Variants in ZAN observed in about 807,000 individuals in gnomAD.
The protein encoded by ZAN is zonadhesin (gene/pseudogene).
Under a neutral mutation model 286.2 loss-of-function variants are expected in ZAN, and 260 were observed. The ratio of observed to expected loss-of-function variants is 0.91; its 90% CI spans 0.82 to 1.01. The LOEUF (loss-of-function observed/expected upper bound fraction) is 1.01, where lower values mean the gene tolerates loss of function less well. Ranked by LOEUF, ZAN falls within the 50% of genes least tolerant of loss-of-function variation. The pLI is 0.00. For missense variants in ZAN, 3,410 were observed against 3,639.2 expected, an observed-to-expected ratio of 0.94 and a Z score of 1.62; for synonymous variants, 1,368 against 1,417.5, an observed-to-expected ratio of 0.97 and a Z score of 0.79.
At chr7:100,748,722 A>T (rs1276693908) in intron 11 of ZAN, among the ~76,000 whole-genome samples, 1 of 152,130 alleles carries the variant, frequency 6.6e-6, no homozygotes, top group Non-Finnish European at 1.5e-5. Context: ...AAAGCTTCAA[A>T]ACCCACCACC....
At chr7:100,747,015 C>T (rs1463142061) in intron 8 of ZAN, among the ~76,000 whole-genome samples, 3 of 151,924 alleles carry the variant, frequency 2.0e-5, no homozygotes, top group African/African-American at 4.8e-5. Context: ...ACCCGGGAGG[C>T]GGAGGTTGCA....
chr7:100,768,834 C>A, intron 27 of ZAN, 113 bp downstream of exon 27: 2 of 829,682 alleles, frequency 2.4e-6, no homozygotes, highest in Non-Finnish European at 3.6e-6. Flanking sequence ...CTGTACCTCC[C>A]AACTGGCAGG....
chr7:100,777,793 T>G (rs1734903), intron 34 of ZAN, among the ~76,000 whole-genome samples: 54,954 of 151,444 alleles, frequency 0.36, 11,254 homozygotes, highest in East Asian at 0.8. Context: ...GTCTTGCCAC[T>G]TTTGCCCAGG....
At chr7:100,781,652 CTTT>C (rs5886134) in intron 35 of ZAN, among the ~76,000 whole-genome samples, 6 of 128,258 alleles carry the variant, frequency 4.7e-5, no homozygotes, top group South Asian at 2.5e-4. Flanking sequence ...CATTGCTATA[CTTT>C]TTTTTTTTTT....
chr7:100,790,944 A>G lies in ZAN; in HGVS notation c.7360A>G (p.Ile2454Val), dbSNP rs754245180. The G allele has an allele frequency of 5.5e-5, 88 of 1,609,002 alleles. No individual in the cohort carries two copies. Among genetic ancestry groups the G allele is most frequent in the Non-Finnish European group, 7.4e-5 (87 of 1,178,078 alleles). Reference protein sequence around the residue: ...VSFGGRKNAVISLPSMYEGLV... With the variant: ...VSFGGRKNAVVSLPSMYEGLV... ...TGGGGACCCCCTTCCTCCCGCAGTGATCTCCCTACCCAGCATGTACGAGGG... is the reference window on the plus strand; with the variant it reads ...TGGGGACCCCCTTCCTCCCGCAGTGGTCTCCCTACCCAGCATGTACGAGGG... Residue 2454 changes from isoleucine (I) to valine (V), a missense_variant and splice_region_variant, in exon 40 of 48, where the codon ATC (isoleucine) becomes GTC (valine). Coordinates refer to ENST00000613979, the MANE Select transcript of ZAN (RefSeq NM_003386.3).
intron 45 of ZAN, among the ~76,000 whole-genome samples, chr7:100,795,702 G>GC (rs1812315913): frequency 6.6e-6 from 1 of 151,754 alleles, no homozygotes; most frequent in Admixed American, 6.6e-5. Context: ...GTCAGGAGAT[G>GC]GAGACCATTC....
At position 100,786,075 on chromosome 7, in the gene ZAN, C is replaced by A. The variant is rs372932904; in HGVS notation, c.6913C>A (p.Arg2305=). 13 of 1,613,920 alleles carry A rather than the reference C, an allele frequency of 8.1e-6. No individual in the cohort carries two copies. Among genetic ancestry groups the A allele is most frequent in the African/African-American group, 1.3e-5 (1 of 74,942 alleles). The change falls in exon 37 of 48, where the codon CGA becomes AGA. Residue 2305 remains arginine (R), a synonymous_variant. Transcript: ENST00000613979. Reference sequence around the variant, plus strand: ...AGGAGCCATTCAGTGCGGGGACTTCCGATGCCCCTCTGGGTCCCACTGCCA... The same window carrying A: ...AGGAGCCATTCAGTGCGGGGACTTCAGATGCCCCTCTGGGTCCCACTGCCA... ...TGGAIQCGDF[R]CPSGSHCQLT... is the part of the protein sequence containing the mutation.
intron 9 of ZAN, 106 bp from the exon 10 acceptor site, chr7:100,748,031 G>A (rs1374945887): frequency 7.8e-6 from 7 of 893,476 alleles, no homozygotes; most frequent in Non-Finnish European, 1.2e-5. Flanking sequence ...GAGGGTCTGG[G>A]CACAGGGAGT....
Position 100,783,204 on chromosome 7 carries a change from G to A in ZAN, c.6623-1419G>A, listed in dbSNP as rs139824023. Among the ~76,000 whole-genome samples, 58 of 152,258 alleles carry A rather than the reference G, an allele frequency of 3.8e-4. 1 individual carries two copies. The East Asian group carries it at 0.011, about 28-fold the overall frequency. On this transcript the variant is annotated intron_variant, in intron 35 of 47. Coordinates refer to ENST00000613979, the MANE Select transcript of ZAN (RefSeq NM_003386.3). Reference sequence around the variant, plus strand: ...AATTGCTTGAACCTGGGAGGTGGAGGTTGCAGTGAGCTGAGATTGTGCCAT... The same window carrying A: ...AATTGCTTGAACCTGGGAGGTGGAGATTGCAGTGAGCTGAGATTGTGCCAT...
intron 27 of ZAN, among the ~76,000 whole-genome samples, chr7:100,769,474 TCTTTC>T (rs772098638): frequency 3.3e-5 from 5 of 151,990 alleles, no homozygotes; most frequent in Admixed American, 1.3e-4. Context: ...TCTTTTCTTT[TCTTTC>T]CTTTCCTTTC....
intron 14 of ZAN, among the ~76,000 whole-genome samples, chr7:100,754,331 T>A (rs542510585): frequency 2.6e-5 from 4 of 150,994 alleles, no homozygotes; most frequent in African/African-American, 7.3e-5. Flanking sequence ...TGGTGGTGGG[T>A]GCCTGTAGTC....
rs1562911293 is a variant in ZAN, at chr7:100,738,876, TCCCTCTCCCTCTCCCTCTCCCTCTCCC to T, written c.766+264_766+290del. On this transcript the variant is annotated intron_variant, in intron 7 of 47. Transcript: ENST00000613979. ...CTTCTTTCTCTTCCTCTTCTTCTTC[TCCCTCTCCCTCTCCCTCTCCCTCTCCC>T]TCTCCCTCTCCCTCTCCCTCTCCCT... Among the ~76,000 whole-genome samples the T allele has an allele frequency of 8.5e-4, 17 of 19,950 alleles. 4 individuals carry two copies. Among genetic ancestry groups the T allele is most frequent in the Non-Finnish European group, 1.5e-3 (16 of 10,628 alleles). 13.1% of individuals were successfully genotyped at this position (19,950 alleles called of 152,430 possible). A position where few individuals can be genotyped will look rare whatever the true frequency, so the allele number is the denominator to read the frequency against.
At chr7:100,750,026 G>A (rs1381180707) in intron 11 of ZAN, among the ~76,000 whole-genome samples, 2 of 136,510 alleles carry the variant, frequency 1.5e-5, no homozygotes, top group African/African-American at 2.8e-5. Flanking sequence ...ACTCCAGCCT[G>A]GGCAACAGAG....
intron 11 of ZAN, among the ~76,000 whole-genome samples, chr7:100,749,433 G>T (rs530238012): frequency 6.6e-6 from 1 of 150,806 alleles, no homozygotes; most frequent in African/African-American, 2.4e-5. Flanking sequence ...AAGGTCAGGA[G>T]ATCGAGACCA....
chr7:100,748,084 C>T (rs923972807), intron 9 of ZAN, 53 bp from the exon 10 acceptor site: 5 of 1,491,668 alleles, frequency 3.4e-6, no homozygotes, highest in Middle Eastern at 3.5e-4. Flanking sequence ...AGATCAGGGG[C>T]TTGGGGGTGT....
intron 42 of ZAN, among the ~76,000 whole-genome samples, chr7:100,793,363 A>G: frequency 6.6e-6 from 1 of 152,024 alleles, no homozygotes. Context: ...AAAAAAATAA[A>G]AAATAAAAAA....
At chr7:100,780,806 G>A (rs1346282313) in intron 35 of ZAN, among the ~76,000 whole-genome samples, 3 of 151,454 alleles carry the variant, frequency 2.0e-5, no homozygotes, top group Non-Finnish European at 4.4e-5. Flanking sequence ...ATTTATATTC[G>A]TGGCTGGGTG....
chr7:100,788,941 C>A (rs188812794), intron 38 of ZAN, among the ~76,000 whole-genome samples: 5 of 152,044 alleles, frequency 3.3e-5, no homozygotes, highest in Non-Finnish European at 7.4e-5. Flanking sequence ...TCAAGTGATC[C>A]GCCCGACTCG....
rs2116268497 is a variant in ZAN, at chr7:100,784,846, T to C, written c.6834+12T>C. The C allele has an allele frequency of 6.3e-7, 1 of 1,574,836 alleles. No homozygotes were observed. Among genetic ancestry groups the C allele is most frequent in the Non-Finnish European group, 8.6e-7 (1 of 1,158,196 alleles). On this transcript the variant is annotated intron_variant, in intron 36 of 47. Coordinates refer to ENST00000613979, the MANE Select transcript of ZAN (RefSeq NM_003386.3). ...GTGGCTCCATCCCTGTGAGTGGGCA[T>C]GGGAAATGGGACTGGAGGCAACACA...
Sources: gnomAD v4.1 joint callset for allele counts (sites outside exome capture counted in the v4.1 genomes callset) on GRCh38, gnomAD v4.1.1 for gene constraint, MANE v1.5 for transcripts, NCBI Gene and HGNC (gene_info 2026-07-23, HGNC 2026-07-21) for gene names.